The following CCDC91 variants were observed in gnomAD, a reference collection of about 807,000 sequenced individuals.
CCDC91 encodes the protein coiled-coil domain-containing protein 91.
CCDC91 carries 48 observed loss-of-function variants against 63.2 expected under a neutral mutation model. The ratio of observed to expected loss-of-function variants is 0.76; its 90% CI spans 0.60 to 0.97. The LOEUF (loss-of-function observed/expected upper bound fraction) is 0.97. CCDC91 is among the 50% of genes least tolerant of loss of function. The pLI, the probability that CCDC91 is intolerant of heterozygous loss-of-function variation, is 0.00. For synonymous variants in CCDC91, 167 were observed against 165.8 expected (o/e 1.01, Z -0.06); for missense variants, 500 against 494.6 (o/e 1.01, Z -0.10).
intron 8 of CCDC91, among the ~76,000 whole-genome samples, chr12:28,425,898 TAA>T (rs1258700455): frequency 6.6e-6 from 1 of 152,190 alleles, no homozygotes; most frequent in African/African-American, 2.4e-5. Flanking sequence ...GATGCATACT[TAA>T]GTTTGAAAAC....
chr12:28,387,506 G>C (rs1012261166), intron 7 of CCDC91, among the ~76,000 whole-genome samples: 3 of 152,134 alleles, frequency 2.0e-5, no homozygotes, highest in African/African-American at 7.2e-5. Flanking sequence ...AGTATGCACT[G>C]AACCCAATTT....
intron 12 of CCDC91, among the ~76,000 whole-genome samples, chr12:28,533,417 G>A (rs1941903481): frequency 6.6e-6 from 1 of 151,848 alleles, no homozygotes; most frequent in Non-Finnish European, 1.5e-5. Context: ...TAGTTTACGT[G>A]GCTGTAAAAT....
intron 7 of CCDC91, among the ~76,000 whole-genome samples, chr12:28,372,341 A>G (rs1032821766): frequency 2.0e-5 from 3 of 151,824 alleles, no homozygotes; most frequent in African/African-American, 7.3e-5. Context: ...GAATTTTAGG[A>G]TTATTTTTTC....
intron 6 of CCDC91, among the ~76,000 whole-genome samples, chr12:28,325,906 A>C (rs944773833): frequency 2.0e-5 from 3 of 152,124 alleles, no homozygotes; most frequent in African/African-American, 7.2e-5. Flanking sequence ...AGACCTAATC[A>C]AATTATGTTT....
chr12:28,210,746 G>T (rs1190351342), intron 1 of CCDC91, among the ~76,000 whole-genome samples: 3 of 151,990 alleles, frequency 2.0e-5, no homozygotes, highest in Non-Finnish European at 4.4e-5. Flanking sequence ...AAGATGATTT[G>T]TGGAGGGTAA....
At chr12:28,227,329 A>G (rs561697158) in intron 1 of CCDC91, among the ~76,000 whole-genome samples, 3 of 152,126 alleles carry the variant, frequency 2.0e-5, no homozygotes, top group Non-Finnish European at 4.4e-5. Flanking sequence ...ATTCTTCTGC[A>G]TGGATGATGA....
intron 1 of CCDC91, among the ~76,000 whole-genome samples, chr12:28,216,677 CAG>C (rs1943582042): frequency 6.6e-6 from 1 of 151,964 alleles, no homozygotes; most frequent in South Asian, 2.1e-4. Context: ...AATAAGGTAA[CAG>C]GCAATCGTTG....
chr12:28,417,637 A>ATG (rs1454496416), intron 8 of CCDC91, among the ~76,000 whole-genome samples: 4 of 120,104 alleles, frequency 3.3e-5, no homozygotes, highest in Non-Finnish European at 7.9e-5. Flanking sequence ...ATATATATAT[A>ATG]TATACACACA....
intron 1 of CCDC91, among the ~76,000 whole-genome samples, chr12:28,241,405 G>T (rs1442652784): frequency 6.6e-6 from 1 of 152,158 alleles, no homozygotes; most frequent in Non-Finnish European, 1.5e-5. Flanking sequence ...GTTTCAGAGG[G>T]TGGGAGGGTT....
At position 28,415,809 on chromosome 12, in the gene CCDC91, CTAAGAA is replaced by C. The variant is rs145164038; in HGVS notation, c.762+24402_762+24407del. Among the ~76,000 whole-genome samples the C allele has an allele frequency of 3.9e-3, 595 of 152,116 alleles. 2 individuals are homozygous for C. The highest frequency in any genetic ancestry group is 7.5e-3 in the Admixed American group (114 of 15,272). Reference sequence around the variant, plus strand: ...AATATAGGAGACATGATTTTAAAAACTAAGAATAAAGTGGAAAAAAGGCAATGTTGA... The same window carrying C: ...AATATAGGAGACATGATTTTAAAAACTAAAGTGGAAAAAAGGCAATGTTGA... On this transcript the variant is annotated intron_variant, in intron 8 of 12. Transcript: ENST00000536442.
chr12:28,524,443 T>A (rs576445915), intron 12 of CCDC91, among the ~76,000 whole-genome samples: 1 of 152,274 alleles, frequency 6.6e-6, no homozygotes, highest in East Asian at 1.9e-4. Flanking sequence ...GCATCCCTGG[T>A]ATTAAACCCA....
intron 12 of CCDC91, among the ~76,000 whole-genome samples, chr12:28,493,281 C>A (rs746185524): frequency 2.0e-5 from 3 of 151,784 alleles, no homozygotes; most frequent in Non-Finnish European, 4.4e-5. Context: ...ATTGTAGGAT[C>A]TACCTTGGTA....
chr12:28,404,488 A>G (rs529324584), intron 8 of CCDC91, among the ~76,000 whole-genome samples: 3 of 152,262 alleles, frequency 2.0e-5, no homozygotes, highest in African/African-American at 7.2e-5. Flanking sequence ...TGGTTGCAGT[A>G]TATAGACTTC....
intron 1 of CCDC91, among the ~76,000 whole-genome samples, chr12:28,234,037 C>T (rs1944773784): frequency 6.6e-6 from 1 of 152,020 alleles, no homozygotes; most frequent in Non-Finnish European, 1.5e-5. Context: ...ACTCATCTTG[C>T]AAAATGGAAA....
At chr12:28,496,763 A>G (rs544792096) in intron 12 of CCDC91, among the ~76,000 whole-genome samples, 15 of 151,334 alleles carry the variant, frequency 9.9e-5, no homozygotes, top group African/African-American at 3.6e-4. Flanking sequence ...GATTTTCTAC[A>G]GTTAATGCCT....
intron 12 of CCDC91, among the ~76,000 whole-genome samples, chr12:28,508,178 T>C (rs1938965707): frequency 6.6e-6 from 1 of 151,886 alleles, no homozygotes; most frequent in Non-Finnish European, 1.5e-5. Flanking sequence ...ACTTCCTCTA[T>C]ATAATAAGTT....
At chr12:28,381,767 A>G (rs993416795) in intron 7 of CCDC91, among the ~76,000 whole-genome samples, 1 of 152,228 alleles carries the variant, frequency 6.6e-6, no homozygotes, top group Non-Finnish European at 1.5e-5. Flanking sequence ...AGCAAGCACT[A>G]CTTGGTGCCA....
At chr12:28,397,642 A>C (rs912762294) in intron 8 of CCDC91, among the ~76,000 whole-genome samples, 10 of 152,164 alleles carry the variant, frequency 6.6e-5, no homozygotes, top group Admixed American at 5.2e-4. Context: ...ATAATTTTAA[A>C]TACTATTTGT....
intron 1 of CCDC91, among the ~76,000 whole-genome samples, chr12:28,202,412 G>T (rs1331486040): frequency 5.3e-5 from 8 of 152,222 alleles, no homozygotes; most frequent in African/African-American, 1.9e-4. Context: ...TCCTTCTCAG[G>T]GTTTCTTCTT....
Sources: gnomAD v4.1 joint callset for allele counts (sites outside exome capture counted in the v4.1 genomes callset) on GRCh38, gnomAD v4.1.1 for gene constraint, MANE v1.5 for transcripts, NCBI Gene and HGNC (gene_info 2026-07-23, HGNC 2026-07-21) for gene names.